Variants in IPCEF1 observed in about 807,000 individuals in gnomAD.
IPCEF1 encodes the protein interactor protein for cytohesin exchange factors 1.
In IPCEF1, 31 loss-of-function variants were observed where a neutral mutation model predicts 50.9. The observed-to-expected ratio is 0.61, with a 90% CI of 0.46 to 0.82. IPCEF1 has a LOEUF of 0.82. Among genes scored for constraint, IPCEF1 ranks in the 40% least tolerant of loss-of-function variants. The pLI is 0.00. For synonymous variants in IPCEF1, 181 were observed against 192.0 expected (o/e 0.94, Z 0.47); for missense variants, 458 against 514.0 (o/e 0.89, Z 1.05).
chr6:154,264,824 G>T lies in IPCEF1; in HGVS notation c.36+1088C>A, dbSNP rs148477525. ...AGCAAGTCAAGCAAAGGATGTTTCA[G>T]CCGCCCTGCATGTTACTAAGGTGTC... On this transcript the variant is annotated intron_variant, in intron 3 of 11. Transcript: ENST00000367220. 5.3e-4 allele frequency among the ~76,000 whole-genome samples: 81 copies of T among 152,266 alleles called. 1 individual carries two copies. In the East Asian group the frequency reaches 0.013, roughly 24 times the overall value.
chr6:154,351,435 A>T (rs1398133683), intron 1 of IPCEF1, among the ~76,000 whole-genome samples: 1 of 152,168 alleles, frequency 6.6e-6, no homozygotes, highest in Admixed American at 6.6e-5. Context: ...ACGGATGTGC[A>T]ATCATGTCAA....
At chr6:154,346,159 T>A (rs1020262074) in intron 1 of IPCEF1, among the ~76,000 whole-genome samples, 1 of 152,188 alleles carries the variant, frequency 6.6e-6, no homozygotes, top group African/African-American at 2.4e-5. Context: ...TGTGAGCCAC[T>A]GCACCTGGCC....
intron 10 of IPCEF1, among the ~76,000 whole-genome samples, chr6:154,170,285 T>C (rs893306789): frequency 1.3e-5 from 2 of 152,198 alleles, no homozygotes; most frequent in African/African-American, 4.8e-5. Context: ...AAGAACCAGC[T>C]TGAAAGAGGA....
intron 1 of IPCEF1, among the ~76,000 whole-genome samples, chr6:154,340,226 T>C (rs542747321): frequency 1.3e-5 from 2 of 150,128 alleles, no homozygotes; most frequent in South Asian, 2.1e-4. Flanking sequence ...AGCTTGGTTT[T>C]ATAGATTTTA....
chr6:154,188,228 AAG>A (rs1175385647), intron 10 of IPCEF1, among the ~76,000 whole-genome samples: 1 of 152,262 alleles, frequency 6.6e-6, no homozygotes, highest in Non-Finnish European at 1.5e-5. Flanking sequence ...TAAAATGAAA[AAG>A]AGAAAAATCG....
chr6:154,166,275 A>C (rs1439821258), intron 11 of IPCEF1, among the ~76,000 whole-genome samples: 1 of 152,214 alleles, frequency 6.6e-6, no homozygotes, highest in Non-Finnish European at 1.5e-5. Flanking sequence ...TTCTTTTCAC[A>C]AAGTTGGCCC....
intron 7 of IPCEF1, among the ~76,000 whole-genome samples, chr6:154,215,729 G>A (rs1277370324): frequency 6.6e-6 from 1 of 152,114 alleles, no homozygotes; most frequent in Non-Finnish European, 1.5e-5. Flanking sequence ...AAACTCCTTA[G>A]TAGCCACTTA....
chr6:154,200,529 G>A (rs761646379), intron 9 of IPCEF1, among the ~76,000 whole-genome samples: 1 of 151,946 alleles, frequency 6.6e-6, no homozygotes, highest in African/African-American at 2.4e-5. Flanking sequence ...GAGACCAGCC[G>A]GGCCAGTATG....
chr6:154,187,382 C>A (rs1160015364), intron 10 of IPCEF1, among the ~76,000 whole-genome samples: 1 of 152,170 alleles, frequency 6.6e-6, no homozygotes, highest in Non-Finnish European at 1.5e-5. Context: ...TCAGTGTTAG[C>A]TCTGTAGGGC....
intron 2 of IPCEF1, among the ~76,000 whole-genome samples, chr6:154,279,127 T>TAAA (rs5881071): frequency 9.5e-6 from 1 of 105,468 alleles, no homozygotes. Flanking sequence ...TGTCTCAAAA[T>TAAA]AAAAAAAAAA....
chr6:154,317,009 G>T (rs529686616), intron 1 of IPCEF1, among the ~76,000 whole-genome samples: 1 of 152,148 alleles, frequency 6.6e-6, no homozygotes, highest in African/African-American at 2.4e-5. Context: ...AAACTATAAA[G>T]CTTCCAGAAG....
At chr6:154,160,092 T>G (rs1434983064) in intron 11 of IPCEF1, 52 bp from the exon 12 acceptor site, 4 of 1,361,888 alleles carry the variant, frequency 2.9e-6, no homozygotes, top group Non-Finnish European at 4.1e-6. Context: ...TGTCTTAATT[T>G]ACATAAACCA....
intron 2 of IPCEF1, among the ~76,000 whole-genome samples, chr6:154,282,609 C>G (rs893484626): frequency 6.6e-6 from 1 of 152,174 alleles, no homozygotes; most frequent in Non-Finnish European, 1.5e-5. Flanking sequence ...ATGGCATAAA[C>G]CCGGGAGGCA....
At chr6:154,204,617 C>A (rs1040958868) in intron 9 of IPCEF1, among the ~76,000 whole-genome samples, 1 of 151,962 alleles carries the variant, frequency 6.6e-6, no homozygotes, top group African/African-American at 2.4e-5. Flanking sequence ...AATGTGCTGA[C>A]CGAAGATCTA....
intron 3 of IPCEF1, among the ~76,000 whole-genome samples, chr6:154,265,194 T>G (rs965851804): frequency 1.4e-4 from 21 of 152,206 alleles, no homozygotes; most frequent in Non-Finnish European, 1.3e-4. Context: ...AGAGATTATA[T>G]ACTTGCTCAA....
chr6:154,203,911 G>A (rs995323576), intron 9 of IPCEF1, among the ~76,000 whole-genome samples: 1 of 152,112 alleles, frequency 6.6e-6, no homozygotes, highest in East Asian at 1.9e-4. Context: ...TGATTTATCC[G>A]AATCCCAGGA....
intron 1 of IPCEF1, among the ~76,000 whole-genome samples, chr6:154,292,785 T>A (rs1329015982): frequency 6.6e-6 from 1 of 152,090 alleles, no homozygotes; most frequent in East Asian, 1.9e-4. Context: ...GTGGAAAAAA[T>A]GGGTATTAAC....
intron 1 of IPCEF1, among the ~76,000 whole-genome samples, chr6:154,347,029 AGT>A (rs1450654021): frequency 6.6e-6 from 1 of 152,100 alleles, no homozygotes; most frequent in Non-Finnish European, 1.5e-5. Context: ...TTGATCTGGA[AGT>A]GTCTTTGGGA....
At chr6:154,237,999 T>C (rs937690566) in intron 5 of IPCEF1, among the ~76,000 whole-genome samples, 1 of 152,214 alleles carries the variant, frequency 6.6e-6, no homozygotes, top group Non-Finnish European at 1.5e-5. Flanking sequence ...ATAAAAGCCA[T>C]TTTTGATTTT....
Sources: gnomAD v4.1 joint callset for allele counts (sites outside exome capture counted in the v4.1 genomes callset) on GRCh38, gnomAD v4.1.1 for gene constraint, MANE v1.5 for transcripts, NCBI Gene and HGNC (gene_info 2026-07-23, HGNC 2026-07-21) for gene names.